EXT1: variants seen among roughly 807,000 people sequenced by gnomAD.
EXT1 encodes the protein exostosin glycosyltransferase 1.
EXT1 carries 20 observed loss-of-function variants against 82.5 expected under a neutral mutation model. That is an observed-to-expected ratio of 0.24 (90% CI 0.17 to 0.35). The LOEUF is 0.35. Among genes scored for constraint, EXT1 ranks in the 10% least tolerant of loss-of-function variants. The probability of loss-of-function intolerance (pLI) is 1.00; values close to 1 mark genes in which losing one functional copy is unlikely to be tolerated. For missense variants in EXT1, 757 were observed against 936.5 expected (o/e 0.81, Z 2.50); for synonymous variants, 348 against 350.8 (o/e 0.99, Z 0.09).
At chr8:117,982,082 T>C (rs557332034) in intron 1 of EXT1, among the ~76,000 whole-genome samples, 2 of 152,178 alleles carry the variant, frequency 1.3e-5, no homozygotes, top group African/African-American at 2.4e-5. Context: ...ACAACACCCA[T>C]GTTTTAGCTC....
chr8:117,867,422 T>C (rs1362605230), intron 1 of EXT1, among the ~76,000 whole-genome samples: 8 of 152,118 alleles, frequency 5.3e-5, no homozygotes, highest in Non-Finnish European at 1.0e-4. Context: ...GGCAATTCCA[T>C]TTTTGGCTAT....
chr8:117,862,608 T>C (rs946219451), intron 1 of EXT1, among the ~76,000 whole-genome samples: 1 of 145,022 alleles, frequency 6.9e-6, no homozygotes, highest in East Asian at 2.0e-4. Flanking sequence ...ACTGCTGGAA[T>C]TGGATGTTAG....
At chr8:117,815,455 C>A (rs111575898) in intron 7 of EXT1, among the ~76,000 whole-genome samples, 2 of 152,282 alleles carry the variant, frequency 1.3e-5, no homozygotes, top group South Asian at 2.1e-4. Flanking sequence ...CATCCATTTT[C>A]GAATTCTCAT....
chr8:118,109,519 C>T (rs574754626), intron 1 of EXT1, among the ~76,000 whole-genome samples: 1 of 152,068 alleles, frequency 6.6e-6, no homozygotes, highest in South Asian at 2.1e-4. Context: ...GTCAATGCCA[C>T]GGGGGAGAGA....
Position 117,799,556 on chromosome 8 carries a change from T to C in EXT1, c.*156A>G. On this transcript the variant is annotated 3_prime_UTR_variant, in exon 11 of 11. Coordinates refer to ENST00000378204, the MANE Select transcript of EXT1 (RefSeq NM_000127.3). ...GCAGTCCCAGGAGCCAGGAGTTGAG[T>C]TCTCATTGGCCTTTTTTTTTTTGTC... is the stretch of plus-strand genomic sequence containing the variant. The C allele has an allele frequency of 9.6e-6, 7 of 732,942 alleles. No homozygotes were observed. Among genetic ancestry groups the C allele is most frequent in the Non-Finnish European group, 1.6e-5 (7 of 445,810 alleles). The allele number at this position is 732,942 out of a possible 1,614,324, so 45.4% of individuals were successfully genotyped here. A position where few individuals can be genotyped will look rare whatever the true frequency, so the allele number is the denominator to read the frequency against.
chr8:117,910,403 G>A (rs991312303), intron 1 of EXT1, among the ~76,000 whole-genome samples: 1 of 152,150 alleles, frequency 6.6e-6, no homozygotes, highest in Non-Finnish European at 1.5e-5. Flanking sequence ...CTCCAGGAAA[G>A]ATGGTCCACC....
chr8:117,860,004 G>A (rs552779030), intron 1 of EXT1, among the ~76,000 whole-genome samples: 18 of 152,042 alleles, frequency 1.2e-4, no homozygotes, highest in Admixed American at 2.6e-4. Flanking sequence ...AAAATTAGCC[G>A]GATATGGTGG....
chr8:117,848,052 C>T (rs1240780475), intron 1 of EXT1, among the ~76,000 whole-genome samples: 1 of 152,164 alleles, frequency 6.6e-6, no homozygotes, highest in Non-Finnish European at 1.5e-5. Flanking sequence ...CAAACAAGAC[C>T]TCAGAACTCT....
intron 1 of EXT1, among the ~76,000 whole-genome samples, chr8:117,846,307 C>T (rs529666079): frequency 4.6e-5 from 7 of 151,782 alleles, no homozygotes; most frequent in African/African-American, 1.7e-4. Context: ...GGGGTTTCAT[C>T]ATGTTGGTCA....
At chr8:117,976,265 G>A (rs1259248548) in intron 1 of EXT1, among the ~76,000 whole-genome samples, 3 of 152,134 alleles carry the variant, frequency 2.0e-5, no homozygotes, top group Admixed American at 6.5e-5. Flanking sequence ...ATTCCTTTGA[G>A]GCTATATAGC....
At chr8:118,047,929 A>G (rs1816649033) in intron 1 of EXT1, among the ~76,000 whole-genome samples, 1 of 152,028 alleles carries the variant, frequency 6.6e-6, no homozygotes, top group African/African-American at 2.4e-5. Context: ...TGTAATCTCA[A>G]GCTGGAGAAT....
chr8:117,953,835 G>A (rs770952082), intron 1 of EXT1, among the ~76,000 whole-genome samples: 3 of 151,924 alleles, frequency 2.0e-5, no homozygotes, highest in Non-Finnish European at 2.9e-5. Context: ...ACATGAACCC[G>A]GGTGGCGGAG....
At chr8:118,001,087 A>G (rs1586335183) in intron 1 of EXT1, among the ~76,000 whole-genome samples, 2 of 152,370 alleles carry the variant, frequency 1.3e-5, no homozygotes, top group South Asian at 2.1e-4. Flanking sequence ...CAGGTGAGTA[A>G]CACAAAGATA....
intron 3 of EXT1, among the ~76,000 whole-genome samples, chr8:117,832,218 GA>G (rs1294637414): frequency 3.9e-5 from 6 of 152,136 alleles, no homozygotes; most frequent in Admixed American, 3.9e-4. Flanking sequence ...TAGCCACAAG[GA>G]AACAGTCTAT....
At chr8:117,938,487 A>ATAATAAAT (rs1554587525) in intron 1 of EXT1, among the ~76,000 whole-genome samples, 1 of 152,036 alleles carries the variant, frequency 6.6e-6, no homozygotes, top group African/African-American at 2.4e-5. Flanking sequence ...AATAATAATA[A>ATAATAAAT]TAAACAAAAT....
At chr8:117,955,205 C>A (rs1026380822) in intron 1 of EXT1, among the ~76,000 whole-genome samples, 49 of 152,182 alleles carry the variant, frequency 3.2e-4, no homozygotes, top group Admixed American at 2.7e-3. Flanking sequence ...ATCCTCCCGG[C>A]ATGTGGATAT....
At chr8:117,806,113 C>T (rs1371684313) in intron 9 of EXT1, among the ~76,000 whole-genome samples, 2 of 152,228 alleles carry the variant, frequency 1.3e-5, no homozygotes, top group Non-Finnish European at 2.9e-5. Flanking sequence ...CTGATCACTA[C>T]TTACCATGGC....
At chr8:117,883,597 T>C (rs1813098029) in intron 1 of EXT1, among the ~76,000 whole-genome samples, 1 of 152,244 alleles carries the variant, frequency 6.6e-6, no homozygotes, top group Non-Finnish European at 1.5e-5. Context: ...AACTCTTTTC[T>C]TTCTGGCTTT....
intron 1 of EXT1, among the ~76,000 whole-genome samples, chr8:118,097,217 A>G (rs7015921): frequency 0.02 from 3,010 of 152,286 alleles, 95 homozygotes; most frequent in African/African-American, 0.068. Flanking sequence ...AGGCCAAAGC[A>G]GGCAGATCAC....
Sources: allele counts gnomAD v4.1 joint callset (sites outside exome capture counted in the v4.1 genomes callset), GRCh38; gene constraint gnomAD v4.1.1; transcripts MANE v1.5; gene names NCBI Gene and HGNC (gene_info 2026-07-23, HGNC 2026-07-21).